CNTNAP3B: variants seen among roughly 807,000 people sequenced by gnomAD.
CNTNAP3B encodes contactin-associated protein-like 3B.
In CNTNAP3B, 25 loss-of-function variants were observed where a neutral mutation model predicts 108.9. The observed-to-expected ratio is 0.23, with a 90% CI of 0.17 to 0.32. CNTNAP3B has a LOEUF of 0.32. CNTNAP3B is among the 10% of genes least tolerant of loss of function. The pLI is 1.00. For synonymous variants in CNTNAP3B, 103 were observed against 473.4 expected (o/e 0.22, Z 10.16); for missense variants, 252 against 1,210.4 (o/e 0.21, Z 11.75).
rs1217089190 is a variant in CNTNAP3B at position 42,034,182 on chromosome 9, A to ATATCTATCTATCTATC, written c.391-20658_391-20657insGATAGATAGATAGATA. 2.4e-4 allele frequency among the ~76,000 whole-genome samples: 15 copies of ATATCTATCTATCTATC among 61,950 alleles called. 4 individuals are homozygous for ATATCTATCTATCTATC. Among genetic ancestry groups the ATATCTATCTATCTATC allele is most frequent in the African/African-American group, 7.0e-4 (13 of 18,530 alleles). The allele number at this position is 61,950 out of a possible 152,430, so 40.6% of individuals were successfully genotyped here. ...TATTTATCTATATGTATGTATGTAT[A>ATATCTATCTATCTATC]TATGTATCTATCTATCTATCTATCT... On this transcript the variant is annotated intron_variant, in intron 3 of 23. Transcript: ENST00000377561.
chr9:42,127,787 GCA>G (rs1828604714), intron 1 of CNTNAP3B, among the ~76,000 whole-genome samples: 1 of 139,506 alleles, frequency 7.2e-6, no homozygotes, highest in Non-Finnish European at 1.5e-5. Context: ...GAATCATGAT[GCA>G]CAGTGAGTGC....
chr9:41,935,097 A>G (rs1824116613), intron 14 of CNTNAP3B, among the ~76,000 whole-genome samples: 1 of 152,296 alleles, frequency 6.6e-6, no homozygotes, highest in South Asian at 2.1e-4. Context: ...TTATACACAT[A>G]TATTGACTTG....
chr9:42,042,285 T>A lies in CNTNAP3B; in HGVS notation c.391-28760A>T. On this transcript the variant is annotated intron_variant, in intron 3 of 23. Coordinates refer to ENST00000377561, the MANE Select transcript of CNTNAP3B (RefSeq NM_001201380.3). ...TGGTATATATTTAAAATGATCTTCCTGTTCTAGATAGATAAACCTCTAGAT... is the reference window on the plus strand; with the variant it reads ...TGGTATATATTTAAAATGATCTTCCAGTTCTAGATAGATAAACCTCTAGAT... 1.7e-5 allele frequency among the ~76,000 whole-genome samples: 2 copies of A among 115,290 alleles called. 1 individual carries two copies. The highest frequency in any genetic ancestry group is 3.6e-5 in the Non-Finnish European group (2 of 55,000). The allele number at this position is 115,290 out of a possible 152,430, so 75.6% of individuals were successfully genotyped here. A position where few individuals can be genotyped will look rare whatever the true frequency, so the allele number is the denominator to read the frequency against.
intron 2 of CNTNAP3B, among the ~76,000 whole-genome samples, chr9:42,087,591 ATGT>A (rs1827732416): frequency 6.9e-6 from 1 of 144,754 alleles, no homozygotes. Context: ...GCTGAAACTC[ATGT>A]TGTTGTTTGT....
At chr9:41,937,771 C>G (rs1824202354) in intron 14 of CNTNAP3B, among the ~76,000 whole-genome samples, 1 of 151,994 alleles carries the variant, frequency 6.6e-6, no homozygotes, top group Non-Finnish European at 1.5e-5. Context: ...ATTGTTGCTT[C>G]TAAAAAATAA....
chr9:41,934,100 C>CATATATATGTGT (rs1314834829), intron 14 of CNTNAP3B, among the ~76,000 whole-genome samples: 75 of 90,210 alleles, frequency 8.3e-4, no homozygotes, highest in African/African-American at 3.1e-3. Context: ...ATATTTGTTA[C>CATATATATGTGT]ATATATATAT....
chr9:42,093,200 C>T, intron 2 of CNTNAP3B, among the ~76,000 whole-genome samples: 1 of 94,140 alleles, frequency 1.1e-5, no homozygotes, highest in South Asian at 3.4e-4. Context: ...AAAAAATTAG[C>T]CAGGCGTGGT....
chr9:42,115,361 G>A (rs1828291170), intron 1 of CNTNAP3B, among the ~76,000 whole-genome samples: 1 of 133,650 alleles, frequency 7.5e-6, no homozygotes, highest in Non-Finnish European at 1.6e-5. Context: ...TTTGGTGACA[G>A]TAGTGGTTCT....
At chr9:41,927,103 G>T (rs1237953488) in intron 15 of CNTNAP3B, among the ~76,000 whole-genome samples, 2 of 152,220 alleles carry the variant, frequency 1.3e-5, no homozygotes, top group Non-Finnish European at 2.9e-5. Flanking sequence ...ACAGAGAATG[G>T]CCAGTAAATC....
At chr9:41,966,950 G>A (rs1376517742) in intron 10 of CNTNAP3B, among the ~76,000 whole-genome samples, 1 of 150,422 alleles carries the variant, frequency 6.6e-6, no homozygotes, top group African/African-American at 2.5e-5. Context: ...CTGGGCGATA[G>A]AGCGAGACTC....
chr9:42,017,012 G>A lies in CNTNAP3B; in HGVS notation c.391-3487C>T. On this transcript the variant is annotated intron_variant, in intron 3 of 23. Coordinates refer to ENST00000377561, the MANE Select transcript of CNTNAP3B (RefSeq NM_001201380.3). ...ATTCTCTGTCTTTGAGGGCATTCTA[G>A]CTAAGTATTATATTAAGTAATCAAA... 2.0e-5 allele frequency among the ~76,000 whole-genome samples: 3 copies of A among 151,890 alleles called. No individual in the cohort carries two copies. The Middle Eastern group carries it at 0.01, about 517-fold the overall frequency.
intron 13 of CNTNAP3B, among the ~76,000 whole-genome samples, chr9:41,938,782 A>G (rs1285110203): frequency 6.6e-6 from 1 of 152,294 alleles, no homozygotes; most frequent in Non-Finnish European, 1.5e-5. Flanking sequence ...AGAAAGTTTA[A>G]TATTATACAA....
intron 9 of CNTNAP3B, among the ~76,000 whole-genome samples, chr9:41,971,317 CTAGT>C (rs1455663632): frequency 1.1e-5 from 1 of 92,622 alleles, no homozygotes; most frequent in Non-Finnish European, 2.2e-5. Flanking sequence ...AGTACACACT[CTAGT>C]TAAAGAAAAC....
At chr9:42,110,209 C>T (rs1828167321) in intron 1 of CNTNAP3B, among the ~76,000 whole-genome samples, 1 of 131,294 alleles carries the variant, frequency 7.6e-6, no homozygotes, top group Non-Finnish European at 1.6e-5. Flanking sequence ...GAGAGTTCCA[C>T]TGAAAATACG....
chr9:41,951,562 A>C (rs1824682853), intron 13 of CNTNAP3B, among the ~76,000 whole-genome samples: 2 of 152,406 alleles, frequency 1.3e-5, no homozygotes, highest in Admixed American at 1.3e-4. Context: ...GGTCCATTTC[A>C]TCAAAGAGGA....
In CNTNAP3B at chr9:42,096,319, C is replaced by T. The variant is rs563556801; in HGVS notation, c.196+8310G>A. On this transcript the variant is annotated intron_variant, in intron 2 of 23. Transcript: ENST00000377561. ...GTCCCCACCTCTCTATGCATACTAT[C>T]GTGCAGTCCTGCTGAGGGTTCCTAG... 3.6e-5 allele frequency among the ~76,000 whole-genome samples: 5 copies of T among 139,876 alleles called. 1 individual carries two copies. The highest frequency in any genetic ancestry group is 5.7e-5 in the African/African-American group (2 of 35,254). 91.8% of individuals were successfully genotyped at this position (139,876 alleles called of 152,430 possible).
intron 3 of CNTNAP3B, among the ~76,000 whole-genome samples, chr9:42,028,857 A>G (rs1826457591): frequency 1.3e-5 from 2 of 151,784 alleles, no homozygotes; most frequent in South Asian, 4.1e-4. Flanking sequence ...AAATTTGTTG[A>G]AATCAAATGG....
At position 42,111,609 on chromosome 9, in the gene CNTNAP3B, T is replaced by C. The variant is rs568030172; in HGVS notation, c.86-6870A>G. On this transcript the variant is annotated intron_variant, in intron 1 of 23. Transcript: ENST00000377561. ...TCTGATTGCCTAAATTCAGCCTGGC[T>C]TCAATCAAGACACTTTGGTTCCCTT... Among the ~76,000 whole-genome samples the C allele has an allele frequency of 4.3e-3, 597 of 138,698 alleles. 72 individuals are homozygous for C. Among genetic ancestry groups the C allele is most frequent in the Middle Eastern group, 0.014 (4 of 290 alleles). The allele number at this position is 138,698 out of a possible 152,430, so 91.0% of individuals were successfully genotyped here.
intron 2 of CNTNAP3B, among the ~76,000 whole-genome samples, chr9:42,084,108 C>T (rs1168151003): frequency 6.7e-6 from 1 of 148,978 alleles, no homozygotes; most frequent in African/African-American, 2.5e-5. Flanking sequence ...AGCCTATAAC[C>T]TCCCTTATCT....
Sources: gnomAD v4.1 joint callset for allele counts (sites outside exome capture counted in the v4.1 genomes callset) on GRCh38, gnomAD v4.1.1 for gene constraint, MANE v1.5 for transcripts, NCBI Gene and HGNC (gene_info 2026-07-23, HGNC 2026-07-21) for gene names.